ZC3H4: variants seen among roughly 807,000 people sequenced by gnomAD.
ZC3H4 encodes the protein zinc finger CCCH-type containing 4, also known as zinc finger CCCH domain-containing protein 4.
Under a neutral mutation model 108.3 loss-of-function variants are expected in ZC3H4, and 13 were observed. That is an observed-to-expected ratio of 0.12 (90% CI 0.08 to 0.19). The LOEUF (loss-of-function observed/expected upper bound fraction) is 0.19. ZC3H4 is among the 10% of genes least tolerant of loss of function. ZC3H4 has a pLI of 1.00. For missense variants in ZC3H4, 1,734 were observed against 1,838.8 expected (o/e 0.94, Z 1.04); for synonymous variants, 917 against 749.6 (o/e 1.22, Z -3.65).
At chr19:47,070,256 G>A (rs758006043) in intron 13 of ZC3H4, among the ~76,000 whole-genome samples, 2 of 152,160 alleles carry the variant, frequency 1.3e-5, no homozygotes, top group Non-Finnish European at 2.9e-5. Flanking sequence ...CATTTAAAAC[G>A]TGGTGTCTAG....
At chr19:47,081,939 G>C (rs999068017) in intron 10 of ZC3H4, among the ~76,000 whole-genome samples, 1 of 152,110 alleles carries the variant, frequency 6.6e-6, no homozygotes, top group African/African-American at 2.4e-5. Flanking sequence ...CAATGGTATG[G>C]GCCAGTCTTG....
intron 9 of ZC3H4, among the ~76,000 whole-genome samples, chr19:47,083,220 G>A (rs2057554885): frequency 6.6e-6 from 1 of 151,178 alleles, no homozygotes; most frequent in South Asian, 2.1e-4. Context: ...AGGAGGCAGA[G>A]CTTGCAGTGA....
At chr19:47,099,884 G>T (rs535915193) in intron 2 of ZC3H4, among the ~76,000 whole-genome samples, 2 of 149,732 alleles carry the variant, frequency 1.3e-5, no homozygotes, top group African/African-American at 4.9e-5. Context: ...CATGGGAACA[G>T]CAGCGGTTAC....
In ZC3H4 at chr19:47,071,707, A is replaced by G. The variant is rs945120228; in HGVS notation, c.2146+71T>C. 4.7e-6 allele frequency: 7 copies of G among 1,476,626 alleles called. No homozygotes were observed. The African/African-American group carries it at 9.9e-5, about 21-fold the overall frequency. 91.5% of individuals were successfully genotyped at this position (1,476,626 alleles called of 1,614,324 possible). On this transcript the variant is annotated intron_variant, in intron 13 of 14. Transcript: ENST00000253048. ...AGACTTGGACGAAGGAAGAAAAATC[A>G]CATCTCCCCAACTCTGCTCCACTGG... is the stretch of plus-strand genomic sequence containing the variant.
intron 2 of ZC3H4, among the ~76,000 whole-genome samples, chr19:47,096,027 C>T (rs1043180305): frequency 5.9e-5 from 9 of 152,214 alleles, no homozygotes; most frequent in African/African-American, 2.2e-4. Context: ...CAGACTCCTC[C>T]TCCCAGGACC....
At chr19:47,078,208 T>C (rs750905558) in intron 11 of ZC3H4, among the ~76,000 whole-genome samples, 2 of 152,238 alleles carry the variant, frequency 1.3e-5, no homozygotes, top group South Asian at 2.1e-4. Flanking sequence ...TGTTTGGCGA[T>C]AAATGAGATA....
At chr19:47,084,216 T>C in intron 9 of ZC3H4, 129 bp downstream of exon 9, 7 of 830,958 alleles carry the variant, frequency 8.4e-6, no homozygotes, top group Non-Finnish European at 7.7e-6. Flanking sequence ...TATCGGCAAG[T>C]GTCCACAAGG....
intron 4 of ZC3H4, 34 bp downstream of exon 4, chr19:47,093,936 C>A (rs1192316833): frequency 3.2e-6 from 5 of 1,577,968 alleles, no homozygotes; most frequent in Non-Finnish European, 4.3e-6. Context: ...CTCCTCCCGG[C>A]CCCAGAGCTC....
intron 2 of ZC3H4, among the ~76,000 whole-genome samples, chr19:47,095,842 C>A (rs1337999570): frequency 6.6e-6 from 1 of 152,212 alleles, no homozygotes; most frequent in African/African-American, 2.4e-5. Flanking sequence ...GCATCCAACT[C>A]CTTCCGTCTC....
chr19:47,090,928 C>CTACT (rs2057720853), intron 4 of ZC3H4, among the ~76,000 whole-genome samples: 1 of 152,160 alleles, frequency 6.6e-6, no homozygotes, highest in Admixed American at 6.5e-5. Flanking sequence ...GGGAACTCTA[C>CTACT]TACTACCTGC....
Position 47,084,068 on chromosome 19 carries a change from T to C in ZC3H4, c.1218+277A>G, listed in dbSNP as rs535650209. 3.9e-5 allele frequency among the ~76,000 whole-genome samples: 6 copies of C among 152,270 alleles called. No homozygotes were observed. In the South Asian group the frequency reaches 1.2e-3, roughly 32 times the overall value. On this transcript the variant is annotated intron_variant, in intron 9 of 14. Coordinates refer to ENST00000253048, the MANE Select transcript of ZC3H4 (RefSeq NM_015168.2). ...TTTGCATTCACATCAACCTCCATAA[T>C]TACGTTTCAGGCTATATGGATTGGT...
At chr19:47,112,681 A>G (rs1473211976) in intron 1 of ZC3H4, 92 bp from the exon 2 acceptor site, 3 of 709,362 alleles carry the variant, frequency 4.2e-6, no homozygotes, top group Non-Finnish European at 5.9e-6. Flanking sequence ...CCTGATGGGA[A>G]TGGGGTATAT....
At chr19:47,091,799 A>G (rs537081942) in intron 4 of ZC3H4, among the ~76,000 whole-genome samples, 1 of 149,672 alleles carries the variant, frequency 6.7e-6, no homozygotes, top group East Asian at 2.0e-4. Flanking sequence ...AGGCTGAGGC[A>G]GGAGAATCGC....
In ZC3H4 at chr19:47,067,476, G is replaced by A. The variant is rs745882999; in HGVS notation, c.2792C>T (p.Ala931Val). 1.5e-5 allele frequency: 24 copies of A among 1,581,910 alleles called. No homozygotes were observed. Among genetic ancestry groups the A allele is most frequent in the Non-Finnish European group, 2.1e-5 (24 of 1,162,566 alleles). ...AATGTTCACGGCCTTCTCCCGCAGG[G>A]CCCGCTCCCCTTCCTCCTCCTCCGT... ...PPTEEEEGER[A>V]LREKAVNIPL... is the part of the protein sequence containing the mutation. Residue 931 changes from alanine (A) to valine (V), a missense_variant, in exon 15 of 15, where the codon GCC becomes GTC. Ala to Val is a moderately conservative substitution (Grantham distance 64). Transcript: ENST00000253048. This position sits in a 1 kb window ranked among gnomAD's most constrained non-coding sequence, Gnocchi z 6.4.
At chr19:47,112,053 G>C in intron 2 of ZC3H4, 1 of 920,590 alleles carries the variant, frequency 1.1e-6, no homozygotes, top group East Asian at 1.0e-4. Context: ...CGCAGGGGCA[G>C]CCAGGACCCC....
intron 11 of ZC3H4, among the ~76,000 whole-genome samples, chr19:47,073,734 G>A (rs1054325341): frequency 2.0e-5 from 3 of 151,988 alleles, no homozygotes; most frequent in African/African-American, 7.2e-5. Flanking sequence ...CCCAGCCCCC[G>A]GCAGCCACTC....
chr19:47,106,781 T>C (rs2057973660), intron 2 of ZC3H4, among the ~76,000 whole-genome samples: 1 of 152,218 alleles, frequency 6.6e-6, no homozygotes, highest in Admixed American at 6.5e-5. Flanking sequence ...CAGAAAACTC[T>C]TGGGCTCCAA....
intron 2 of ZC3H4, among the ~76,000 whole-genome samples, chr19:47,101,823 G>A (rs1426555891): frequency 6.7e-5 from 10 of 148,714 alleles, no homozygotes; most frequent in African/African-American, 2.0e-4. Flanking sequence ...ATGAGCGATC[G>A]CACCACTGCA....
chr19:47,109,687 C>T (rs1199068893), intron 2 of ZC3H4, among the ~76,000 whole-genome samples: 2 of 152,142 alleles, frequency 1.3e-5, no homozygotes, highest in Admixed American at 6.5e-5. Flanking sequence ...AGGAAGAAAA[C>T]AAGTGGCCTA....
Sources: gnomAD v4.1 joint callset for allele counts (sites outside exome capture counted in the v4.1 genomes callset) on GRCh38, gnomAD v4.1.1 for gene constraint, Gnocchi (gnomAD v3.1) non-coding constraint, MANE v1.5 for transcripts, NCBI Gene and HGNC (gene_info 2026-07-23, HGNC 2026-07-21) for gene names.